CFAP58: variants seen among roughly 807,000 people sequenced by gnomAD.
CFAP58 encodes cilia and flagella associated protein 58.
In CFAP58, 88 loss-of-function variants were observed where a neutral mutation model predicts 119.5. The observed-to-expected ratio is 0.74, with a 90% CI of 0.62 to 0.88. CFAP58 has a LOEUF of 0.88. Ranked by LOEUF, CFAP58 falls within the 40% of genes least tolerant of loss-of-function variation. The pLI is 0.00. For synonymous variants in CFAP58, 365 were observed against 366.3 expected (o/e 1.00, Z 0.04); for missense variants, 990 against 1,021.2 (o/e 0.97, Z 0.42).
At chr10:104,393,835 C>G (rs1333339330) in intron 11 of CFAP58, among the ~76,000 whole-genome samples, 1 of 152,222 alleles carries the variant, frequency 6.6e-6, no homozygotes, top group African/African-American at 2.4e-5. Context: ...GCATTCACAA[C>G]CAAGTACAAC....
intron 12 of CFAP58, among the ~76,000 whole-genome samples, chr10:104,400,063 T>A (rs548917251): frequency 6.6e-6 from 1 of 152,296 alleles, no homozygotes; most frequent in South Asian, 2.1e-4. Context: ...ATGAAGTCAT[T>A]CAGATTTGAA....
intron 15 of CFAP58, among the ~76,000 whole-genome samples, chr10:104,412,214 A>G (rs1414959714): frequency 6.6e-6 from 1 of 152,130 alleles, no homozygotes; most frequent in Admixed American, 6.5e-5. Flanking sequence ...TTGACTCACT[A>G]GTTTCTTCAT....
chr10:104,447,093 G>T (rs1013270187), intron 15 of CFAP58, among the ~76,000 whole-genome samples: 1 of 151,476 alleles, frequency 6.6e-6, no homozygotes, highest in Non-Finnish European at 1.5e-5. Context: ...GGGCTCAAAT[G>T]ATCTTCTCAC....
At chr10:104,431,831 A>T (rs2012852314) in intron 15 of CFAP58, among the ~76,000 whole-genome samples, 1 of 152,218 alleles carries the variant, frequency 6.6e-6, no homozygotes, top group African/African-American at 2.4e-5. Context: ...ACATGGTATT[A>T]TACTGAATGC....
At chr10:104,386,062 CTTT>C (rs34685828) in intron 9 of CFAP58, among the ~76,000 whole-genome samples, 3 of 140,476 alleles carry the variant, frequency 2.1e-5, no homozygotes, top group African/African-American at 2.6e-5. Flanking sequence ...TCCTTTTTTG[CTTT>C]TTTTTTTTTT....
chr10:104,451,672 A>C (rs2013197206), intron 17 of CFAP58, among the ~76,000 whole-genome samples: 1 of 152,218 alleles, frequency 6.6e-6, no homozygotes, highest in South Asian at 2.1e-4. Flanking sequence ...CAACATGGTT[A>C]ATTTCCACAT....
intron 17 of CFAP58, among the ~76,000 whole-genome samples, chr10:104,450,669 T>TTTTTTTTATTTA (rs5787519): frequency 4.9e-5 from 7 of 143,346 alleles, no homozygotes; most frequent in South Asian, 2.2e-4. Flanking sequence ...TTCACCTATG[T>TTTTTTTTATTTA]TTTATTTATT....
intron 15 of CFAP58, among the ~76,000 whole-genome samples, chr10:104,427,716 A>G (rs2012773129): frequency 6.6e-6 from 1 of 152,056 alleles, no homozygotes; most frequent in Admixed American, 6.6e-5. Flanking sequence ...ACCTCTCTTC[A>G]TTTTTCAAAA....
chr10:104,405,682 T>C (rs2012346605), intron 14 of CFAP58, among the ~76,000 whole-genome samples: 1 of 152,254 alleles, frequency 6.6e-6, no homozygotes. Context: ...GGTAGTGTTC[T>C]GCTGCCAATA....
Position 104,406,736 on chromosome 10 carries a change from G to T in CFAP58, c.2199G>T (p.Leu733=). The T allele has an allele frequency of 6.2e-7, 1 of 1,614,176 alleles. No homozygotes were observed. Among genetic ancestry groups the T allele is most frequent in the Non-Finnish European group, 8.5e-7 (1 of 1,180,030 alleles). Residue 733 remains leucine (L), a synonymous_variant, in exon 15 of 18, where the codon CTG becomes CTT. Coordinates refer to ENST00000369704, the MANE Select transcript of CFAP58 (RefSeq NM_001008723.2). ...AYELIQKIHT[L]QKRLISKTEE... is the part of the protein sequence containing the mutation. Reference sequence around the variant, plus strand: ...AGCTGATACAGAAAATTCACACCCTGCAGAAGCGTCTCATCAGCAAGACTG... The same window carrying T: ...AGCTGATACAGAAAATTCACACCCTTCAGAAGCGTCTCATCAGCAAGACTG...
At chr10:104,366,536 GAT>G (rs2014753407) in intron 5 of CFAP58, among the ~76,000 whole-genome samples, 1 of 152,206 alleles carries the variant, frequency 6.6e-6, no homozygotes, top group South Asian at 2.1e-4. Context: ...CTGTTTGTGA[GAT>G]ATATTCATGT....
At chr10:104,404,540 G>T (rs910925731) in intron 14 of CFAP58, among the ~76,000 whole-genome samples, 4 of 152,206 alleles carry the variant, frequency 2.6e-5, no homozygotes, top group African/African-American at 9.6e-5. Context: ...ATTGGGAGAT[G>T]TAAGTATGTC....
At chr10:104,357,798 T>C (rs917616801) in intron 1 of CFAP58, among the ~76,000 whole-genome samples, 13 of 146,130 alleles carry the variant, frequency 8.9e-5, no homozygotes, top group Admixed American at 2.7e-4. Flanking sequence ...TATACATATA[T>C]ATACACACAT....
At chr10:104,402,181 G>T (rs2012277807) in intron 13 of CFAP58, among the ~76,000 whole-genome samples, 1 of 152,186 alleles carries the variant, frequency 6.6e-6, no homozygotes, top group Non-Finnish European at 1.5e-5. Flanking sequence ...CCTTCCCTGA[G>T]CTTTGGACTT....
At position 104,365,967 on chromosome 10, in the gene CFAP58, G is replaced by A. The variant is rs1299886874; in HGVS notation, c.751G>A (p.Glu251Lys). ...ALQQYVQKSK[E>K]ELQKLEQQLK... ...GCAGCAGTATGTGCAGAAGAGCAAG[G>A]AGGAGCTTCAGAAGCTGGAGCAGCA... is the stretch of plus-strand genomic sequence containing the variant. Residue 251 changes from glutamate to lysine, a missense_variant, in exon 5 of 18, where the codon GAG (glutamate) becomes AAG (lysine). Transcript: ENST00000369704. 1 of 1,608,852 alleles carries A rather than the reference G, an allele frequency of 6.2e-7. No individual in the cohort carries two copies. The highest frequency in any genetic ancestry group is 1.7e-5 in the Admixed American group (1 of 59,272).
At chr10:104,374,717 A>G (rs1461068104) in intron 7 of CFAP58, among the ~76,000 whole-genome samples, 2 of 151,964 alleles carry the variant, frequency 1.3e-5, no homozygotes, top group Non-Finnish European at 2.9e-5. Flanking sequence ...TTAAATTGCT[A>G]TTAATTTTCT....
chr10:104,354,897 A>C (rs1259973102), intron 1 of CFAP58, among the ~76,000 whole-genome samples: 2 of 150,266 alleles, frequency 1.3e-5, no homozygotes, highest in African/African-American at 4.9e-5. Flanking sequence ...ATCGTGCTCC[A>C]CCCCCTCCCC....
chr10:104,441,877 C>T (rs2013041803), intron 15 of CFAP58, among the ~76,000 whole-genome samples: 1 of 152,172 alleles, frequency 6.6e-6, no homozygotes, highest in Non-Finnish European at 1.5e-5. Context: ...GCCCAGAGTT[C>T]AGTTTAGCTG....
chr10:104,423,577 A>G (rs2012695229), intron 15 of CFAP58, among the ~76,000 whole-genome samples: 1 of 151,880 alleles, frequency 6.6e-6, no homozygotes, highest in Non-Finnish European at 1.5e-5. Context: ...TAACAATAAC[A>G]TGGCCAATAA....
Sources: gnomAD v4.1 joint callset for allele counts (sites outside exome capture counted in the v4.1 genomes callset) on GRCh38, gnomAD v4.1.1 for gene constraint, MANE v1.5 for transcripts, NCBI Gene and HGNC (gene_info 2026-07-23, HGNC 2026-07-21) for gene names.